Variants in CD300A observed in about 807,000 individuals in gnomAD.
CD300A encodes CMRF35-like molecule 8.
Under a neutral mutation model 33.6 loss-of-function variants are expected in CD300A, and 22 were observed. The observed-to-expected ratio is 0.66, with a 90% CI of 0.47 to 0.94. The LOEUF (loss-of-function observed/expected upper bound fraction) is 0.94. CD300A is among the 40% of genes least tolerant of loss of function. The pLI, the probability that CD300A is intolerant of heterozygous loss-of-function variation, is 0.00. For missense variants in CD300A, 326 were observed against 360.5 expected, an observed-to-expected ratio of 0.90 and a Z score of 0.77; for synonymous variants, 136 against 148.1, an observed-to-expected ratio of 0.92 and a Z score of 0.59.
intron 1 of CD300A, 68 bp from the exon 2 acceptor site, chr17:74,473,468 C>T (rs565209453): frequency 5.3e-6 from 8 of 1,498,546 alleles, no homozygotes; most frequent in Admixed American, 3.8e-5. Flanking sequence ...CCATGCGGCC[C>T]TGACCCCAGG....
intron 3 of CD300A, among the ~76,000 whole-genome samples, chr17:74,475,273 A>G (rs1906385593): frequency 6.6e-6 from 1 of 152,174 alleles, no homozygotes; most frequent in African/African-American, 2.4e-5. Flanking sequence ...AACCACCCCC[A>G]TGATTCAGTT....
At chr17:74,479,909 T>G (rs1906720678) in intron 4 of CD300A, among the ~76,000 whole-genome samples, 1 of 152,160 alleles carries the variant, frequency 6.6e-6, no homozygotes, top group Non-Finnish European at 1.5e-5. Flanking sequence ...GAGCACCTAC[T>G]GTGTGCCAGG....
Position 74,481,297 on chromosome 17 carries a change from C to G in CD300A, c.637C>G (p.His213Asp), listed in dbSNP as rs776661293. ...TCTCCTCTTGTCTCTAGCTGGTGAC[C>G]ATTCAGAGCTGTCCCAGAACCCCAA... ...MFQKWIKAGD[H>D]SELSQNPKQA... The change falls in exon 5 of 7, where the codon CAT (histidine) becomes GAT (aspartate). Residue 213 changes from histidine to aspartate, a missense_variant. Physicochemically the swap from His to Asp is moderately conservative, Grantham distance 81. Transcript: ENST00000360141. The G allele has an allele frequency of 1.9e-6, 3 of 1,613,882 alleles. No homozygotes were observed. In the South Asian group the frequency reaches 3.3e-5, roughly 18 times the overall value.
intron 4 of CD300A, among the ~76,000 whole-genome samples, chr17:74,479,812 C>A (rs1453088187): frequency 6.6e-6 from 1 of 152,014 alleles, no homozygotes; most frequent in Admixed American, 6.6e-5. Context: ...CTGCCTGGAG[C>A]CTGACACCTG....
chr17:74,472,010 G>A (rs558203321), intron 1 of CD300A, among the ~76,000 whole-genome samples: 81 of 152,236 alleles, frequency 5.3e-4, no homozygotes, highest in Non-Finnish European at 1.5e-4. Flanking sequence ...GGAGGCCGAG[G>A]CAGGTGGATC....
At chr17:74,471,973 G>A (rs556054646) in intron 1 of CD300A, among the ~76,000 whole-genome samples, 1 of 152,266 alleles carries the variant, frequency 6.6e-6, no homozygotes, top group African/African-American at 2.4e-5. Context: ...AGGCGCAGTA[G>A]CTCATGCCTG....
At chr17:74,482,589 A>AGCC in intron 6 of CD300A, among the ~76,000 whole-genome samples, 1 of 151,232 alleles carries the variant, frequency 6.6e-6, no homozygotes, top group African/African-American at 2.5e-5. Flanking sequence ...GTCCCCTGAT[A>AGCC]GCCGCACCGT....
intron 1 of CD300A, 30 bp downstream of exon 1, chr17:74,466,773 C>T (rs1437737101): frequency 8.9e-6 from 14 of 1,573,624 alleles, no homozygotes; most frequent in African/African-American, 2.7e-5. Context: ...GGAAAGTCTG[C>T]GGCAGGGAGG....
chr17:74,467,087 C>G, intron 1 of CD300A: 1 of 953,282 alleles, frequency 1.0e-6, no homozygotes, highest in Admixed American at 4.8e-5. Context: ...TGGAGAGTGG[C>G]AGCCACTGAC....
chr17:74,474,445 T>C (rs763286796), intron 2 of CD300A, 87 bp from the exon 3 acceptor site: 235 of 1,367,220 alleles, frequency 1.7e-4, no homozygotes, highest in Non-Finnish European at 2.3e-4. Flanking sequence ...GTGGGCAGTT[T>C]GTGTGAAATC....
rs375778912 is a variant in CD300A, at chr17:74,484,143, G to A, written c.*17G>A. The A allele has an allele frequency of 1.6e-5, 26 of 1,611,838 alleles. No individual in the cohort carries two copies. Among genetic ancestry groups the A allele is most frequent in the Middle Eastern group, 1.8e-4 (1 of 5,488 alleles). Reference sequence around the variant, plus strand: ...AAGACATAGGCTTTTGTCCTGCCTCGCCATCGGAGCTCTCATGGGCCCCAG... The same window carrying A: ...AAGACATAGGCTTTTGTCCTGCCTCACCATCGGAGCTCTCATGGGCCCCAG... On this transcript the variant is annotated 3_prime_UTR_variant, in exon 7 of 7. Transcript: ENST00000360141.
Position 74,484,164 on chromosome 17 carries a change from C to T in CD300A, c.*38C>T, listed in dbSNP as rs1567986823. The T allele has an allele frequency of 6.8e-6, 11 of 1,608,434 alleles. No homozygotes were observed. The highest frequency in any genetic ancestry group is 9.3e-6 in the Non-Finnish European group (11 of 1,176,816). ...CCTCGCCATCGGAGCTCTCATGGGC[C>T]CCAGGAAGTCCAGGGACAGCTCCCT... On this transcript the variant is annotated 3_prime_UTR_variant, in exon 7 of 7. Coordinates refer to ENST00000360141, the MANE Select transcript of CD300A (RefSeq NM_007261.4).
At chr17:74,472,551 G>A (rs1250568270) in intron 1 of CD300A, among the ~76,000 whole-genome samples, 1 of 151,892 alleles carries the variant, frequency 6.6e-6, no homozygotes, top group African/African-American at 2.4e-5. Flanking sequence ...GGAGAGCTGG[G>A]CAAACTAAGG....
intron 4 of CD300A, among the ~76,000 whole-genome samples, chr17:74,479,722 A>G (rs1217553011): frequency 6.6e-6 from 1 of 151,976 alleles, no homozygotes; most frequent in African/African-American, 2.4e-5. Flanking sequence ...CTATTCAAAC[A>G]TTTTTGACTC....
chr17:74,483,981 T>G lies in CD300A; in HGVS notation c.775-20T>G. The G allele has an allele frequency of 6.2e-7, 1 of 1,612,574 alleles. No individual in the cohort carries two copies. The highest frequency in any genetic ancestry group is 8.5e-7 in the Non-Finnish European group (1 of 1,178,998). On this transcript the variant is annotated intron_variant, in intron 6 of 6. Transcript: ENST00000360141. ...CCCTTGCCTCTCCCAAGTCTTCAGT[T>G]TCTTGGTTTCTCTCTGCAGGCCTCC...
rs182657435 is a variant in CD300A at position 74,473,285 on chromosome 17, G to A, written c.41-251G>A. ...GCTGGGGGTGCTGATGTGGAGTCGG[G>A]GAATCTTTGGAGGAGGTGACTCCAG... On this transcript the variant is annotated intron_variant, in intron 1 of 6. Coordinates refer to ENST00000360141, the MANE Select transcript of CD300A (RefSeq NM_007261.4). 1.6e-3 allele frequency among the ~76,000 whole-genome samples: 245 copies of A among 152,204 alleles called. 1 individual carries two copies. The highest frequency in any genetic ancestry group is 5.5e-3 in the African/African-American group (229 of 41,534).
At chr17:74,470,888 G>A (rs368349158) in intron 1 of CD300A, among the ~76,000 whole-genome samples, 9 of 151,752 alleles carry the variant, frequency 5.9e-5, no homozygotes, top group African/African-American at 2.2e-4. Flanking sequence ...TAAGGCTCAA[G>A]CAATCCTCCC....
chr17:74,479,780 C>A (rs1442517257), intron 4 of CD300A, among the ~76,000 whole-genome samples: 1 of 152,140 alleles, frequency 6.6e-6, no homozygotes, highest in African/African-American at 2.4e-5. Flanking sequence ...GACTGTGTGG[C>A]TGGGGCTGAC....
chr17:74,474,801 GGCCCAGGTTGGAA>G, intron 3 of CD300A, 116 bp downstream of exon 3: 1 of 1,120,658 alleles, frequency 8.9e-7, no homozygotes, highest in African/African-American at 1.6e-5. Flanking sequence ...CTTTGCCCCA[GGCCCAGGTTGGAA>G]GCCATAGTCT....
Sources: allele counts gnomAD v4.1 joint callset (sites outside exome capture counted in the v4.1 genomes callset), GRCh38; gene constraint gnomAD v4.1.1; transcripts MANE v1.5; gene names NCBI Gene and HGNC (gene_info 2026-07-23, HGNC 2026-07-21).